Variants in TRIM14 observed in about 807,000 individuals in gnomAD.
TRIM14 encodes tripartite motif containing 14, also known as tripartite motif-containing protein 14.
A neutral mutation model predicts 44.5 loss-of-function variants in TRIM14; 28 were observed. The ratio of observed to expected loss-of-function variants is 0.63; its 90% CI spans 0.47 to 0.86. The LOEUF (loss-of-function observed/expected upper bound fraction) is 0.86. Ranked by LOEUF, TRIM14 falls within the 40% of genes least tolerant of loss-of-function variation. The pLI, the probability that TRIM14 is intolerant of heterozygous loss-of-function variation, is 0.00. For synonymous variants in TRIM14, 299 were observed against 269.2 expected, an observed-to-expected ratio of 1.11 and a Z score of -1.08; for missense variants, 607 against 611.1, an observed-to-expected ratio of 0.99 and a Z score of 0.07.
At chr9:98,104,232 G>T (rs1826516265) in intron 2 of TRIM14, among the ~76,000 whole-genome samples, 1 of 152,180 alleles carries the variant, frequency 6.6e-6, no homozygotes, top group Non-Finnish European at 1.5e-5. Flanking sequence ...ATCAAATGAA[G>T]AAAATAAAAT....
the TRIM14 span, among the ~76,000 whole-genome samples, chr9:98,060,064 A>G: frequency 6.6e-6 from 1 of 152,158 alleles, no homozygotes; most frequent in African/African-American, 2.4e-5. Flanking sequence ...TGACTTATCT[A>G]AGAGTTAGGG....
At chr9:98,092,476 G>T in intron 4 of TRIM14, 1 of 388,526 alleles carries the variant, frequency 2.6e-6, no homozygotes, top group South Asian at 1.9e-5. Flanking sequence ...CCCAGCTATT[G>T]GGGCCGCAGC....
chr9:98,042,021 G>A, the TRIM14 span, among the ~76,000 whole-genome samples: 3 of 151,594 alleles, frequency 2.0e-5, no homozygotes, highest in African/African-American at 4.8e-5. Context: ...CTGGCCGGGC[G>A]CGGTGGCTCA....
At chr9:98,088,871 A>T (rs1825896089) in intron 5 of TRIM14, among the ~76,000 whole-genome samples, 1 of 152,112 alleles carries the variant, frequency 6.6e-6, no homozygotes, top group South Asian at 2.1e-4. Flanking sequence ...ACTCTCATTA[A>T]CATTTCTCTT....
At chr9:98,081,301 C>T (rs1213698881), downstream of TRIM14, 2 of 629,134 alleles carry the variant, frequency 3.2e-6, no homozygotes, top group Non-Finnish European at 2.7e-6. Context: ...CTAACTTTAG[C>T]AGTTTCTCTG....
At chr9:98,100,272 GC>G in intron 2 of TRIM14, 108 bp from the exon 3 acceptor site, 1 of 969,790 alleles carries the variant, frequency 1.0e-6, no homozygotes, top group Non-Finnish European at 1.6e-6. Context: ...CAGTAAAGTG[GC>G]CAGTCAGACA....
At chr9:98,070,206 C>A in intron 6 of TRIM14, among the ~76,000 whole-genome samples, 1 of 152,190 alleles carries the variant, frequency 6.6e-6, no homozygotes, top group Non-Finnish European at 1.5e-5. Flanking sequence ...TAACCTTCGC[C>A]TCCCAGGTTC....
chr9:98,070,277 C>G (rs1042419268), intron 6 of TRIM14, among the ~76,000 whole-genome samples: 1 of 152,060 alleles, frequency 6.6e-6, no homozygotes, highest in African/African-American at 2.4e-5. Flanking sequence ...GCCACCATGC[C>G]CAGCTAATTT....
the TRIM14 span, among the ~76,000 whole-genome samples, chr9:98,051,596 C>T: frequency 2.6e-5 from 4 of 152,094 alleles, no homozygotes; most frequent in African/African-American, 9.7e-5. Flanking sequence ...AAGGACTTAA[C>T]AAATGATGCC....
intron 1 of TRIM14, among the ~76,000 whole-genome samples, chr9:98,117,303 T>TATTC (rs1186722015): frequency 6.6e-6 from 1 of 151,718 alleles, no homozygotes; most frequent in East Asian, 1.9e-4. Flanking sequence ...TTTATTTATT[T>TATTC]ATTTATTTAT....
chr9:98,078,283 G>A (rs1829684030), intron 6 of TRIM14: 1 of 1,613,972 alleles, frequency 6.2e-7, no homozygotes, highest in Non-Finnish European at 8.5e-7. Flanking sequence ...CCCAACTTCT[G>A]CTTCTTGCAG....
the TRIM14 span, among the ~76,000 whole-genome samples, chr9:98,054,601 C>G: frequency 7.9e-5 from 12 of 152,318 alleles, no homozygotes; most frequent in African/African-American, 2.9e-4. Flanking sequence ...CATGGTGGAG[C>G]TACAGAGGGA....
the TRIM14 span, among the ~76,000 whole-genome samples, chr9:98,060,592 C>T: frequency 6.6e-6 from 1 of 152,082 alleles, no homozygotes; most frequent in Admixed American, 6.6e-5. Context: ...ATGGCTTGAA[C>T]CCGGGAGGCA....
chr9:98,065,226 G>GATT (rs1157736512), downstream of TRIM14, among the ~76,000 whole-genome samples: 4 of 151,524 alleles, frequency 2.6e-5, no homozygotes, highest in Non-Finnish European at 1.5e-5. Context: ...AAATAAATAG[G>GATT]ATTGTTTTTC....
the TRIM14 span, among the ~76,000 whole-genome samples, chr9:98,036,336 A>G: frequency 4.6e-5 from 7 of 151,762 alleles, no homozygotes; most frequent in Admixed American, 4.6e-4. Flanking sequence ...ACCCATCTCT[A>G]CTAAAAATAC....
intron 6 of TRIM14, among the ~76,000 whole-genome samples, chr9:98,079,083 T>A (rs1170392526): frequency 6.6e-6 from 1 of 152,108 alleles, no homozygotes; most frequent in African/African-American, 2.4e-5. Context: ...TGATGGAAAT[T>A]ACTCTCTCCC....
At chr9:98,057,053 TC>T in the TRIM14 span, 2 of 1,343,764 alleles carry the variant, frequency 1.5e-6, no homozygotes, top group Non-Finnish European at 2.0e-6. Flanking sequence ...TCCGGCCTCT[TC>T]CCGCCCGCCA....
downstream of TRIM14, among the ~76,000 whole-genome samples, chr9:98,083,989 C>T (rs1352506125): frequency 1.3e-5 from 2 of 152,196 alleles, no homozygotes; most frequent in African/African-American, 4.8e-5. Flanking sequence ...AATCAGGGAG[C>T]AGCTGACTAC....
At chr9:98,049,030 A>G in the TRIM14 span, among the ~76,000 whole-genome samples, 1 of 151,576 alleles carries the variant, frequency 6.6e-6, no homozygotes, top group Admixed American at 6.6e-5. Flanking sequence ...AGAAAAAAAA[A>G]AAGAGTAAGG....
Sources: allele counts gnomAD v4.1 joint callset (sites outside exome capture counted in the v4.1 genomes callset), GRCh38; gene constraint gnomAD v4.1.1; transcripts MANE v1.5; gene names NCBI Gene and HGNC (gene_info 2026-07-23, HGNC 2026-07-21).